KLHL7: variants seen among roughly 807,000 people sequenced by gnomAD.
The protein encoded by KLHL7 is kelch-like protein 7.
KLHL7 carries 44 observed loss-of-function variants against 67.4 expected under a neutral mutation model. The observed-to-expected ratio is 0.65, with a 90% CI of 0.51 to 0.84. KLHL7 has a LOEUF of 0.84. Among genes scored for constraint, KLHL7 ranks in the 40% least tolerant of loss-of-function variants. KLHL7 has a pLI of 0.00. For missense variants in KLHL7, 362 were observed against 718.1 expected (o/e 0.50, Z 5.67); for synonymous variants, 252 against 243.3 (o/e 1.04, Z -0.33).
intron 8 of KLHL7, 141 bp downstream of exon 8, chr7:23,166,079 G>T (rs774331498): frequency 2.0e-6 from 2 of 991,492 alleles, no homozygotes; most frequent in Non-Finnish European, 3.1e-6. Context: ...ACATTTTAGA[G>T]CTCATCTCCC....
chr7:23,162,716 C>T (rs1387403101), intron 7 of KLHL7, among the ~76,000 whole-genome samples: 1 of 152,158 alleles, frequency 6.6e-6, no homozygotes, highest in Non-Finnish European at 1.5e-5. Context: ...CATAAATTTG[C>T]TTTTCATGTA....
At chr7:23,140,504 C>T (rs1784140097) in intron 4 of KLHL7, among the ~76,000 whole-genome samples, 1 of 152,148 alleles carries the variant, frequency 6.6e-6, no homozygotes, top group Non-Finnish European at 1.5e-5. Flanking sequence ...TTGCAGTGAG[C>T]CGAGATCGCG....
At chr7:23,165,504 C>T (rs988837198) in intron 7 of KLHL7, among the ~76,000 whole-genome samples, 194 bp from the exon 8 acceptor site, 2 of 152,100 alleles carry the variant, frequency 1.3e-5, no homozygotes, top group African/African-American at 4.8e-5. Context: ...CTGCCTTTTG[C>T]CCTCCGCCCC....
chr7:23,132,301 T>A (rs1783830530), intron 4 of KLHL7, among the ~76,000 whole-genome samples: 1 of 152,234 alleles, frequency 6.6e-6, no homozygotes, highest in Non-Finnish European at 1.5e-5. Context: ...TTTCTCCACA[T>A]CCTTGCCAGC....
At chr7:23,160,932 T>G (rs554755423) in intron 7 of KLHL7, among the ~76,000 whole-genome samples, 23 of 152,316 alleles carry the variant, frequency 1.5e-4, no homozygotes, top group African/African-American at 5.5e-4. Flanking sequence ...ATCTGTCCTA[T>G]AGTTTAAATT....
At chr7:23,158,881 A>T (rs12700419) in intron 7 of KLHL7, among the ~76,000 whole-genome samples, 140,885 of 152,280 alleles carry the variant, frequency 0.93, 65,356 homozygotes, top group East Asian at 0.99. Context: ...TGGGTCAGAT[A>T]TGTCAACCAG....
chr7:23,167,217 A>G (rs189693184), intron 8 of KLHL7, among the ~76,000 whole-genome samples: 19 of 152,222 alleles, frequency 1.2e-4, no homozygotes, highest in Middle Eastern at 3.4e-3. Flanking sequence ...GAAGTTTCAA[A>G]ACATGATGAA....
At chr7:23,116,914 C>CT (rs1380262623) in intron 1 of KLHL7, among the ~76,000 whole-genome samples, 1 of 152,074 alleles carries the variant, frequency 6.6e-6, no homozygotes, top group Non-Finnish European at 1.5e-5. Context: ...TTGAAAATTA[C>CT]TTAATAATGC....
At chr7:23,140,543 C>G in intron 4 of KLHL7, 1 of 527,018 alleles carries the variant, frequency 1.9e-6, no homozygotes, top group Non-Finnish European at 3.5e-6. Flanking sequence ...GGCGATGGAG[C>G]GAGACTCCGT....
chr7:23,128,694 C>T (rs1279686384), intron 4 of KLHL7, among the ~76,000 whole-genome samples: 2 of 151,850 alleles, frequency 1.3e-5, no homozygotes, highest in Non-Finnish European at 2.9e-5. Context: ...AAAAGTGACC[C>T]TACAGCTAGC....
chr7:23,118,859 T>G (rs1042023033), intron 1 of KLHL7, among the ~76,000 whole-genome samples: 2 of 151,972 alleles, frequency 1.3e-5, no homozygotes, highest in Admixed American at 1.3e-4. Flanking sequence ...ATTGCTTTAA[T>G]GCAGGAGTTG....
intron 7 of KLHL7, among the ~76,000 whole-genome samples, chr7:23,162,018 T>C (rs1881200): frequency 0.56 from 85,016 of 152,086 alleles, 24,719 homozygotes; most frequent in East Asian, 0.82. Context: ...AACCTCCTGA[T>C]TTTATAGATG....
At chr7:23,127,379 T>C (rs1246552291) in intron 4 of KLHL7, among the ~76,000 whole-genome samples, 1 of 152,150 alleles carries the variant, frequency 6.6e-6, no homozygotes, top group Non-Finnish European at 1.5e-5. Context: ...CCCCGCCACC[T>C]AGAAAGTAGC....
chr7:23,175,056 G>T lies in KLHL7; in HGVS notation c.*758G>T, dbSNP rs775931787. 4 of 453,796 alleles carry T rather than the reference G, an allele frequency of 8.8e-6. No homozygotes were observed. Among genetic ancestry groups the T allele is most frequent in the South Asian group, 6.2e-5 (4 of 64,412 alleles). The allele number at this position is 453,796 out of a possible 1,614,324, so 28.1% of individuals were successfully genotyped here. ...CACTGTTAAATAAAACCCAATCATA[G>T]TAAGTGATTAACTAGCAAAAAGTAA... is the stretch of plus-strand genomic sequence containing the variant. On this transcript the variant is annotated 3_prime_UTR_variant, in exon 11 of 11. Transcript: ENST00000339077.
At chr7:23,161,284 T>C (rs1465099544) in intron 7 of KLHL7, among the ~76,000 whole-genome samples, 3 of 152,186 alleles carry the variant, frequency 2.0e-5, no homozygotes, top group Non-Finnish European at 4.4e-5. Flanking sequence ...CAGACTGTAT[T>C]TTACTCTCAC....
chr7:23,155,092 G>A (rs1036694800), intron 7 of KLHL7, among the ~76,000 whole-genome samples: 3 of 152,130 alleles, frequency 2.0e-5, no homozygotes, highest in African/African-American at 7.2e-5. Flanking sequence ...GCCCGCTCTT[G>A]GCTCAGACAT....
chr7:23,172,824 G>T (rs1479925801), intron 9 of KLHL7, 124 bp from the exon 10 acceptor site: 1 of 720,334 alleles, frequency 1.4e-6, no homozygotes, highest in East Asian at 2.7e-5. Context: ...TAGACATTTT[G>T]TGCGTATATG....
At chr7:23,146,627 T>C (rs767173559) in intron 6 of KLHL7, among the ~76,000 whole-genome samples, 16 of 151,564 alleles carry the variant, frequency 1.1e-4, no homozygotes, top group Non-Finnish European at 2.1e-4. Context: ...CTCTTGTGCA[T>C]TTATCACTTA....
chr7:23,139,460 CT>C (rs1784103624), intron 4 of KLHL7, among the ~76,000 whole-genome samples: 1 of 152,064 alleles, frequency 6.6e-6, no homozygotes. Context: ...AATAATAATC[CT>C]TAAAATAGGA....
Sources: allele counts gnomAD v4.1 joint callset (sites outside exome capture counted in the v4.1 genomes callset), GRCh38; gene constraint gnomAD v4.1.1; transcripts MANE v1.5; gene names NCBI Gene and HGNC (gene_info 2026-07-23, HGNC 2026-07-21).